Variants in ACTA2 observed in about 807,000 individuals in gnomAD.
The protein encoded by ACTA2 is actin alpha 2, smooth muscle.
ACTA2 carries 12 observed loss-of-function variants against 39.5 expected under a neutral mutation model. The observed-to-expected ratio is 0.30, with a 90% CI of 0.19 to 0.49. The LOEUF (loss-of-function observed/expected upper bound fraction) is 0.49, where lower values mean the gene tolerates loss of function less well. Among genes scored for constraint, ACTA2 ranks in the 20% least tolerant of loss-of-function variants. ACTA2 has a pLI of 0.99. For missense variants in ACTA2, 236 were observed against 498.8 expected (o/e 0.47, Z 5.02); for synonymous variants, 158 against 180.6 (o/e 0.88, Z 1.00).
intron 1 of ACTA2, among the ~76,000 whole-genome samples, chr10:88,970,883 G>A (rs1168663780): frequency 6.7e-6 from 1 of 149,556 alleles, no homozygotes; most frequent in Non-Finnish European, 1.5e-5. Context: ...AAGTGTGTGT[G>A]TGTGTGTGTG....
intron 1 of ACTA2, among the ~76,000 whole-genome samples, chr10:88,952,007 G>A (rs748609252): frequency 2.0e-4 from 31 of 152,140 alleles, no homozygotes; most frequent in Non-Finnish European, 3.8e-4. Context: ...CCAGATATCC[G>A]GCCGGGAGGC....
chr10:88,990,206 A>G lies in ACTA2; in HGVS notation c.-24+733T>C, dbSNP rs1800682. ...TCATATGGTTAACTGTCCATTCCAG[A>G]AACGTCTGTGAGCCTCTCATGTTGC... On this transcript the variant is annotated intron_variant, in intron 1 of 4. Coordinates refer to the ACTA2 transcript ENST00000415557. The surrounding 1 kb of genome is among the most constrained non-coding windows in gnomAD (Gnocchi z 4.9). Among the ~76,000 whole-genome samples, 81,523 of 152,064 alleles carry G rather than the reference A, an allele frequency of 0.54. 22,963 individuals carry two copies. The highest frequency in any genetic ancestry group is 0.72 in the African/African-American group (29,904 of 41,470).
chr10:88,943,556 C>A, intron 4 of ACTA2: 1 of 555,652 alleles, frequency 1.8e-6, no homozygotes, highest in Non-Finnish European at 3.3e-6. Context: ...AAACGTGGCC[C>A]CTTCTCAGTG....
intron 1 of ACTA2, among the ~76,000 whole-genome samples, chr10:88,975,742 G>T (rs1036963623): frequency 1.3e-5 from 2 of 152,104 alleles, no homozygotes; most frequent in Non-Finnish European, 2.9e-5. Context: ...TTAAAGAAAG[G>T]CCACAAACCA....
upstream of ACTA2, among the ~76,000 whole-genome samples, chr10:88,954,778 A>G (rs578192497): frequency 2.0e-3 from 303 of 152,310 alleles, 3 homozygotes; most frequent in Non-Finnish European, 3.6e-3. Flanking sequence ...GACACTAACC[A>G]GGAAAGACTT....
intron 1 of ACTA2, among the ~76,000 whole-genome samples, chr10:88,971,617 C>A (rs150073369): frequency 6.6e-6 from 1 of 152,082 alleles, no homozygotes; most frequent in Non-Finnish European, 1.5e-5. Context: ...AGTCATAATG[C>A]CAACCACTTT....
At chr10:88,986,750 G>A (rs963156816) in intron 1 of ACTA2, among the ~76,000 whole-genome samples, 54 of 151,822 alleles carry the variant, frequency 3.6e-4, no homozygotes, top group African/African-American at 1.2e-3. Flanking sequence ...AGTGCAGGAA[G>A]GAAGAAGTAT....
At chr10:88,984,228 C>T (rs1307459787) in intron 1 of ACTA2, among the ~76,000 whole-genome samples, 1 of 152,124 alleles carries the variant, frequency 6.6e-6, no homozygotes, top group East Asian at 1.9e-4. Flanking sequence ...AATAAATTGC[C>T]TTGAGAAATA....
intron 1 of ACTA2, chr10:88,989,359 A>T: frequency 6.9e-6 from 2 of 288,786 alleles, no homozygotes; most frequent in Non-Finnish European, 7.1e-6. Context: ...TTTTATTTAA[A>T]TGAACTTTTC....
At chr10:88,950,351 T>C (rs1429403356) in intron 1 of ACTA2, among the ~76,000 whole-genome samples, 3 of 152,108 alleles carry the variant, frequency 2.0e-5, no homozygotes, top group African/African-American at 7.2e-5. Flanking sequence ...CAAATCCATA[T>C]AAAAAAGGCA....
At chr10:88,947,011 G>A (rs970855934) in intron 3 of ACTA2, 8 of 387,026 alleles carry the variant, frequency 2.1e-5, no homozygotes, top group African/African-American at 1.0e-4. Flanking sequence ...TTGTCCTTGC[G>A]ACAGTTTGCT....
intron 5 of ACTA2, 73 bp downstream of exon 5, chr10:88,941,712 C>T (rs913975511): frequency 5.1e-5 from 68 of 1,335,400 alleles, no homozygotes; most frequent in South Asian, 2.1e-4. Context: ...GTCACCCCCA[C>T]GTGTTAACGA....
chr10:88,984,581 T>C (rs1846818646), intron 1 of ACTA2, among the ~76,000 whole-genome samples: 1 of 152,082 alleles, frequency 6.6e-6, no homozygotes, highest in East Asian at 1.9e-4. Flanking sequence ...ACTGGTTCAA[T>C]ATTGTGTTGA....
At chr10:88,940,818 A>T in intron 6 of ACTA2, 1 of 303,898 alleles carries the variant, frequency 3.3e-6, no homozygotes, top group South Asian at 3.2e-5. Flanking sequence ...CCATTTTACA[A>T]ATAAAGAGAC....
chr10:88,966,297 G>T (rs1165477987), intron 1 of ACTA2, among the ~76,000 whole-genome samples: 1 of 152,166 alleles, frequency 6.6e-6, no homozygotes, highest in South Asian at 2.1e-4. Context: ...TGTCCTCAGA[G>T]AACAGAATGG....
intron 1 of ACTA2, chr10:88,973,353 C>T: frequency 6.7e-7 from 1 of 1,483,836 alleles, no homozygotes; most frequent in Non-Finnish European, 9.0e-7. Context: ...ATTAGGTAAT[C>T]CAAGAATTGC....
chr10:88,989,881 C>T (rs996020780), intron 1 of ACTA2, among the ~76,000 whole-genome samples: 1 of 152,200 alleles, frequency 6.6e-6, no homozygotes, highest in East Asian at 1.9e-4. Context: ...GTAATGATGT[C>T]ATTATCCAAA....
chr10:88,937,198 C>T (rs1461988949), intron 8 of ACTA2, among the ~76,000 whole-genome samples: 1 of 150,490 alleles, frequency 6.6e-6, no homozygotes, highest in East Asian at 1.9e-4. Context: ...AGAAAGTGTG[C>T]ATGTTTCAGT....
At chr10:88,973,255 CA>C in intron 1 of ACTA2, 1 of 1,612,418 alleles carries the variant, frequency 6.2e-7, no homozygotes, top group South Asian at 1.1e-5. Context: ...GGCTATGGAC[CA>C]AATGGATTCC....
Sources: allele counts gnomAD v4.1 joint callset (sites outside exome capture counted in the v4.1 genomes callset), GRCh38; gene constraint gnomAD v4.1.1; non-coding constraint Gnocchi (gnomAD v3.1); transcripts MANE v1.5; gene names NCBI Gene and HGNC (gene_info 2026-07-23, HGNC 2026-07-21).